Variants in ATN1 observed in about 807,000 individuals in gnomAD.
The protein encoded by ATN1 is atrophin-1.
ATN1 carries 19 observed loss-of-function variants against 85.8 expected under a neutral mutation model. That is an observed-to-expected ratio of 0.22 (90% confidence interval 0.15 to 0.32). ATN1 has a LOEUF of 0.32. Among genes scored for constraint, ATN1 ranks in the 10% least tolerant of loss-of-function variants. The probability of loss-of-function intolerance (pLI) is 1.00; values close to 1 mark genes in which losing one functional copy is unlikely to be tolerated. For missense variants in ATN1, 1,453 were observed against 1,564.5 expected, an observed-to-expected ratio of 0.93 and a Z score of 1.20; for synonymous variants, 674 against 657.0, an observed-to-expected ratio of 1.03 and a Z score of -0.39.
rs1945535628 is a variant in ATN1, at chr12:6,936,498, TCTTTCCCTCCCC to T, written c.1233_1244del (p.Phe412_Pro415del). The T allele has an allele frequency of 7.4e-7, 1 of 1,345,508 alleles. No homozygotes were observed. The highest frequency in any genetic ancestry group is 9.7e-7 in the Non-Finnish European group (1 of 1,031,390). The allele number at this position is 1,345,508 out of a possible 1,614,324, so 83.3% of individuals were successfully genotyped here. On this transcript the variant is annotated inframe_deletion, in exon 5 of 10. Coordinates refer to ENST00000396684, the MANE Select transcript of ATN1 (RefSeq NM_001940.4). ...CCAGGCATTGCCCAGCTACCCCCACTCTTTCCCTCCCCCAACAAGCCTCTCTGTCTCCAATCA... is the reference window on the plus strand; with the variant it reads ...CCAGGCATTGCCCAGCTACCCCCACTCAACAAGCCTCTCTGTCTCCAATCA...
chr12:6,934,567 A>G lies in ATN1; in HGVS notation c.268A>G (p.Thr90Ala), dbSNP rs782433293. 24 of 1,560,008 alleles carry G rather than the reference A, an allele frequency of 1.5e-5. No individual in the cohort carries two copies. Among genetic ancestry groups the G allele is most frequent in the Non-Finnish European group, 1.9e-5 (22 of 1,151,430 alleles). Residue 90 changes from threonine (T) to alanine (A), a missense_variant, in exon 4 of 10, where the codon ACC (threonine) becomes GCC (alanine). By Grantham distance (58) the Thr-to-Ala change is moderately conservative. This residue lies in a region of ATN1 where 130 missense variants were observed against 158.2 expected (regional missense o/e 0.82). Coordinates refer to ENST00000396684, the MANE Select transcript of ATN1 (RefSeq NM_001940.4). The surrounding 1 kb of genome is among the most constrained non-coding windows in gnomAD (Gnocchi z 4.5). ...ESEETNAPKK[T>A]KTEQELPRPQ... is the part of the protein sequence containing the mutation. ...TGAGGAGACCAATGCACCAAAAAAG[A>G]CCAAAACTGAGGTGGGAAACCCTTG...
chr12:6,931,920 A>G (rs1565563963), intron 1 of ATN1, among the ~76,000 whole-genome samples: 1 of 149,462 alleles, frequency 6.7e-6, no homozygotes, highest in African/African-American at 2.5e-5. Flanking sequence ...CTGTAATCCC[A>G]GCTATTCAGG....
In ATN1 at chr12:6,935,454, G is replaced by A; in HGVS notation, c.280-93G>A. On this transcript the variant is annotated intron_variant, in intron 4 of 9. Transcript: ENST00000396684. This position sits in a 1 kb window ranked among gnomAD's most constrained non-coding sequence, Gnocchi z 5.3. ...TCACCACATCACAGTACAACAGTGT[G>A]CTGTGAGGGGAAATGATTTTATGCA... The A allele has an allele frequency of 2.9e-6, 4 of 1,361,456 alleles. No homozygotes were observed. Among genetic ancestry groups the A allele is most frequent in the South Asian group, 1.4e-5 (1 of 73,144 alleles). 84.3% of individuals were successfully genotyped at this position (1,361,456 alleles called of 1,614,324 possible).
rs782465676 is a variant in ATN1, at chr12:6,936,979, C to G, written c.1712C>G (p.Ser571Cys). The part of the protein sequence containing the change: ...AGPNGPPVSS[S>C]SNSSSSTSQG... ...CCCAATGGCCCTCCAGTCTCTTCCT[C>G]TTCCAACTCTTCCTCTTCCACTTCT... Residue 571 changes from serine to cysteine, a missense_variant, in exon 5 of 10, where the codon TCT becomes TGT. Transcript: ENST00000396684. 18 of 1,613,606 alleles carry G rather than the reference C, an allele frequency of 1.1e-5. No individual in the cohort carries two copies. The highest frequency in any genetic ancestry group is 1.3e-5 in the African/African-American group (1 of 75,018).
chr12:6,937,939 G>A lies in ATN1; in HGVS notation c.2389G>A (p.Ala797Thr), dbSNP rs1945573291. Residue 797 changes from alanine to threonine, a missense_variant, in exon 6 of 10, where the codon GCC becomes ACC. By Grantham distance (58) the Ala-to-Thr change is moderately conservative (BLOSUM62 0). Transcript: ENST00000396684. This position sits in a 1 kb window ranked among gnomAD's most constrained non-coding sequence, Gnocchi z 6.0. The stretch of plus-strand genomic sequence containing the variant: ...GGGCTCCAAGCTGGCCAAGAAGCGG[G>A]CCGACCTGGTGGAGAAGGTGCGGCG... ...LEGSKLAKKR[A>T]DLVEKVRREA... 6.3e-7 allele frequency: 1 copy of A among 1,587,458 alleles called. No homozygotes were observed. Among genetic ancestry groups the A allele is most frequent in the Non-Finnish European group, 8.6e-7 (1 of 1,167,678 alleles).
chr12:6,942,021 A>G lies in ATN1; in HGVS notation c.*241A>G, dbSNP rs1945643191. 1 of 566,174 alleles carries G rather than the reference A, an allele frequency of 1.8e-6. No individual in the cohort carries two copies. Among genetic ancestry groups the G allele is most frequent in the Admixed American group, 3.1e-5 (1 of 32,682 alleles). 35.1% of individuals were successfully genotyped at this position (566,174 alleles called of 1,614,324 possible). On this transcript the variant is annotated 3_prime_UTR_variant, in exon 10 of 10. Coordinates refer to ENST00000396684, the MANE Select transcript of ATN1 (RefSeq NM_001940.4). ...CAGAAAGCGCACAGAATCTTGGACC[A>G]GGTCTCTCTTCCTTGTCCCCCCTGC...
Position 6,936,756 on chromosome 12 carries a change from C to T in ATN1, c.1489C>T (p.Gln497Ter). Residue 497 changes from glutamine to a stop codon, truncating the protein, a stop_gained, in exon 5 of 10, where the codon CAG becomes TAG. Coordinates refer to ENST00000396684, the MANE Select transcript of ATN1 (RefSeq NM_001940.4). LOFTEE classifies it high-confidence loss of function. The stretch of plus-strand genomic sequence containing the variant: ...GCAGCAGCAGCAGCAGCAGCAGCAG[C>T]AGCAGCAGCAGCAGCAGCATCACGG... ...QQQQQQQQQQ[Q>*]QQQQQHHGNS... 6.2e-7 allele frequency: 1 copy of T among 1,601,642 alleles called. No individual in the cohort carries two copies.
chr12:6,938,111 C>T (rs1555144169), intron 6 of ATN1, 44 bp downstream of exon 6: 1 of 1,509,808 alleles, frequency 6.6e-7, no homozygotes, highest in Admixed American at 2.1e-5. Context: ...TTCCCTCTTT[C>T]CTTCCTTCCC....
In ATN1 at chr12:6,935,623, G is replaced by A; in HGVS notation, c.356G>A (p.Ser119Asn). 6.2e-7 allele frequency: 1 copy of A among 1,613,914 alleles called. No homozygotes were observed. The highest frequency in any genetic ancestry group is 1.1e-5 in the South Asian group (1 of 91,082). ...CGGAGCCTTAATGATGATGGCAGCA[G>A]CGACCCTAGGGATATCGACCAGGAC... ...DGRSLNDDGS[S>N]DPRDIDQDNR... is the part of the protein sequence containing the mutation. The change falls in exon 5 of 10, where the codon AGC (serine) becomes AAC (asparagine). Residue 119 changes from serine (S) to asparagine (N), a missense_variant. By Grantham distance (46) the Ser-to-Asn change is conservative. Transcript: ENST00000396684. The surrounding 1 kb of genome is among the most constrained non-coding windows in gnomAD (Gnocchi z 5.3).
At position 6,938,760 on chromosome 12, in the gene ATN1, A is replaced by C; in HGVS notation, c.2797A>C (p.Arg933=). 2 of 1,613,966 alleles carry C rather than the reference A, an allele frequency of 1.2e-6. No homozygotes were observed. Among genetic ancestry groups the C allele is most frequent in the Non-Finnish European group, 1.7e-6 (2 of 1,180,012 alleles). The change falls in exon 7 of 10, where the codon AGG becomes CGG. Residue 933 remains arginine, a synonymous_variant. Transcript: ENST00000396684. ...CAGCAGTGATCCAGCTGCCCGGGAGAGGGAACGGGAAGCCCGTGAACGAGA... is the reference window on the plus strand; with the variant it reads ...CAGCAGTGATCCAGCTGCCCGGGAGCGGGAACGGGAAGCCCGTGAACGAGA... ...LYSSDPAARE[R]EREARERDLR... is the part of the protein sequence containing the mutation.
chr12:6,934,887 G>GT lies in ATN1; in HGVS notation c.279+318dup, dbSNP rs200910295. On this transcript the variant is annotated intron_variant, in intron 4 of 9. Coordinates refer to ENST00000396684, the MANE Select transcript of ATN1 (RefSeq NM_001940.4). This position sits in a 1 kb window ranked among gnomAD's most constrained non-coding sequence, Gnocchi z 4.5. ...GCAGAAGTGGTCTTTCTTTTTTATTGTTTTTTTTTGTTTGTTTGTTTTTGA... is the reference window on the plus strand; with the variant it reads ...GCAGAAGTGGTCTTTCTTTTTTATTGTTTTTTTTTTGTTTGTTTGTTTTTGA... Among the ~76,000 whole-genome samples the GT allele has an allele frequency of 0.054, 8,212 of 151,540 alleles. 289 individuals are homozygous for GT. The highest frequency in any genetic ancestry group is 0.089 in the South Asian group (425 of 4,792).
In ATN1 at chr12:6,936,099, A is replaced by G; in HGVS notation, c.832A>G (p.Thr278Ala). 2 of 1,524,426 alleles carry G rather than the reference A, an allele frequency of 1.3e-6. No homozygotes were observed. Among genetic ancestry groups the G allele is most frequent in the South Asian group, 2.6e-5 (2 of 76,516 alleles). 94.4% of individuals were successfully genotyped at this position (1,524,426 alleles called of 1,614,324 possible). A position where few individuals can be genotyped will look rare whatever the true frequency, so the allele number is the denominator to read the frequency against. Residue 278 changes from threonine (T) to alanine (A), a missense_variant, in exon 5 of 10, where the codon ACT becomes GCT. By Grantham distance (58) the Thr-to-Ala change is moderately conservative. Coordinates refer to ENST00000396684, the MANE Select transcript of ATN1 (RefSeq NM_001940.4). ...TGCTCCCCCAACAAAGCCGCCTACCACTCCAGTGGGTGGTGGGAACCTACC... is the reference window on the plus strand; with the variant it reads ...TGCTCCCCCAACAAAGCCGCCTACCGCTCCAGTGGGTGGTGGGAACCTACC... The part of the protein sequence containing the change: ...SGAPPTKPPT[T>A]PVGGGNLPSA...
rs1555144105 is a variant in ATN1, at chr12:6,937,978, C to A, written c.2428C>A (p.Arg810Ser). The A allele has an allele frequency of 6.4e-7, 1 of 1,551,804 alleles. No homozygotes were observed. The highest frequency in any genetic ancestry group is 1.2e-5 in the South Asian group (1 of 84,408). Reference protein sequence around the residue: ...VEKVRREAEQRAREEKERERE... With the variant: ...VEKVRREAEQSAREEKERERE... ...GAAGGTGCGGCGCGAGGCCGAGCAGCGCGCGCGCGAAGAAAAGGAGCGCGA... is the reference window on the plus strand; with the variant it reads ...GAAGGTGCGGCGCGAGGCCGAGCAGAGCGCGCGCGAAGAAAAGGAGCGCGA... Residue 810 changes from arginine to serine, a missense_variant, in exon 6 of 10, where the codon CGC (arginine) becomes AGC (serine). Coordinates refer to ENST00000396684, the MANE Select transcript of ATN1 (RefSeq NM_001940.4). The surrounding 1 kb of genome is among the most constrained non-coding windows in gnomAD (Gnocchi z 6.0).
rs782778482 is a variant in ATN1, at chr12:6,937,057, C to T, written c.1790C>T (p.Ala597Val). Residue 597 changes from alanine to valine, a missense_variant, in exon 5 of 10, where the codon GCG (alanine) becomes GTG (valine). Ala to Val is a moderately conservative substitution (Grantham distance 64, BLOSUM62 0). Coordinates refer to ENST00000396684, the MANE Select transcript of ATN1 (RefSeq NM_001940.4). This position sits in a 1 kb window ranked among gnomAD's most constrained non-coding sequence, Gnocchi z 6.0. ...TCCCCTTCCCAGGGCCCTCAAGGGG[C>T]GCCCTACCCTTTCCCACCGGTGCCT... ...HPSPSQGPQGAPYPFPPVPTV... is the reference protein window; with the variant it reads ...HPSPSQGPQGVPYPFPPVPTV... 3.2e-5 allele frequency: 51 copies of T among 1,613,806 alleles called. No homozygotes were observed. Among genetic ancestry groups the T allele is most frequent in the Middle Eastern group, 3.3e-4 (2 of 6,062 alleles).
At position 6,938,254 on chromosome 12, in the gene ATN1, C is replaced by A. The variant is rs75138859; in HGVS notation, c.2517+187C>A. ...AGCCCAAAAGGTTTTCAGCGAGAGC[C>A]ATCTGCATTCCTGGGTTGGGAAAAG... On this transcript the variant is annotated intron_variant, in intron 6 of 9. Transcript: ENST00000396684. Among the ~76,000 whole-genome samples the A allele has an allele frequency of 2.9e-3, 448 of 152,320 alleles. 1 individual carries two copies. Among genetic ancestry groups the A allele is most frequent in the African/African-American group, 9.5e-3 (395 of 41,564 alleles).
At chr12:6,925,874 C>A (rs984758963), upstream of ATN1, among the ~76,000 whole-genome samples, 1 of 152,260 alleles carries the variant, frequency 6.6e-6, no homozygotes, top group Non-Finnish European at 1.5e-5. Context: ...CCGACCCCCA[C>A]CCCAAATCTG....
chr12:6,938,133 C>CT (rs1214123596), intron 6 of ATN1, 66 bp downstream of exon 6: 1 of 1,473,140 alleles, frequency 6.8e-7, no homozygotes, highest in Non-Finnish European at 9.0e-7. Flanking sequence ...CTGCGCTGCG[C>CT]TGCGCTACGC....
At chr12:6,927,055 T>G (rs1945405742), upstream of ATN1, among the ~76,000 whole-genome samples, 1 of 151,902 alleles carries the variant, frequency 6.6e-6, no homozygotes, top group South Asian at 2.1e-4. Context: ...TTCTTAAGGT[T>G]CCTCACGCGT....
Position 6,936,812 on chromosome 12 carries a change from T to TC in ATN1, c.1549dup (p.His517ProfsTer7). The TC allele has an allele frequency of 6.2e-7, 1 of 1,612,776 alleles. No homozygotes were observed. The highest frequency in any genetic ancestry group is 8.5e-7 in the Non-Finnish European group (1 of 1,179,570). Reference sequence around the variant, plus strand: ...CTGGGCCCCCTCCTCCTGGAGCATTTCCCCACCCACTGGAGGGCGGTAGCT... The same window carrying TC: ...CTGGGCCCCCTCCTCCTGGAGCATTTCCCCCACCCACTGGAGGGCGGTAGCT... On this transcript the variant is annotated frameshift_variant, in exon 5 of 10. Transcript: ENST00000396684. LOFTEE classifies it high-confidence loss of function.
Sources: allele counts gnomAD v4.1 joint callset (sites outside exome capture counted in the v4.1 genomes callset), GRCh38; gene constraint gnomAD v4.1.1; regional missense constraint gnomAD v4.1.1; non-coding constraint Gnocchi (gnomAD v3.1); transcripts MANE v1.5; gene names NCBI Gene and HGNC (gene_info 2026-07-23, HGNC 2026-07-21).